The following CAMK1D variants were observed in gnomAD, a reference collection of about 807,000 sequenced individuals.
CAMK1D encodes calcium/calmodulin dependent protein kinase ID.
In CAMK1D, 9 loss-of-function variants were observed where a neutral mutation model predicts 47.7. That is an observed-to-expected ratio of 0.19 (90% CI 0.11 to 0.33). The LOEUF (loss-of-function observed/expected upper bound fraction) is 0.33, where lower values mean the gene tolerates loss of function less well. Ranked by LOEUF, CAMK1D falls within the 10% of genes least tolerant of loss-of-function variation. CAMK1D has a pLI of 1.00. For synonymous variants in CAMK1D, 184 were observed against 184.9 expected (o/e 0.99, Z 0.04); for missense variants, 291 against 488.7 (o/e 0.60, Z 3.81).
intron 2 of CAMK1D, among the ~76,000 whole-genome samples, chr10:12,651,648 C>T (rs868072965): frequency 6.6e-6 from 1 of 152,104 alleles, no homozygotes. Context: ...GTGATCCTCC[C>T]GCCTTGGCCT....
intron 1 of CAMK1D, among the ~76,000 whole-genome samples, chr10:12,532,283 C>CT (rs375755257): frequency 0.012 from 1,693 of 144,258 alleles, 31 homozygotes; most frequent in African/African-American, 0.038. Context: ...TTTTTATTTT[C>CT]TTTTTTTTTT....
chr10:12,413,561 A>G, intron 1 of CAMK1D, among the ~76,000 whole-genome samples: 1 of 152,282 alleles, frequency 6.6e-6, no homozygotes, highest in Non-Finnish European at 1.5e-5. Flanking sequence ...GATAATGATG[A>G]TGATGACATT....
chr10:12,685,971 G>A (rs1489113695), intron 3 of CAMK1D, among the ~76,000 whole-genome samples: 4 of 152,154 alleles, frequency 2.6e-5, no homozygotes, highest in Admixed American at 1.3e-4. Context: ...TGCCCCCTCT[G>A]CTATGGCCCA....
At chr10:12,386,805 A>C (rs1470623360) in intron 1 of CAMK1D, among the ~76,000 whole-genome samples, 1 of 152,200 alleles carries the variant, frequency 6.6e-6, no homozygotes. Flanking sequence ...TTTCTATAAT[A>C]ATCATGTACT....
intron 2 of CAMK1D, among the ~76,000 whole-genome samples, chr10:12,566,008 A>G (rs913592566): frequency 6.6e-6 from 1 of 152,150 alleles, no homozygotes; most frequent in African/African-American, 2.4e-5. Context: ...GAATCAGCTC[A>G]TCTGAGTTTG....
intron 1 of CAMK1D, among the ~76,000 whole-genome samples, chr10:12,515,089 C>G (rs1835152824): frequency 6.6e-6 from 1 of 151,928 alleles, no homozygotes; most frequent in African/African-American, 2.4e-5. Context: ...TCTCGAACTC[C>G]TGACCTCAGG....
chr10:12,765,778 G>A lies in CAMK1D; in HGVS notation c.439-3895G>A, dbSNP rs111522600. Among the ~76,000 whole-genome samples, 19 of 152,172 alleles carry A rather than the reference G, an allele frequency of 1.2e-4. No homozygotes were observed. In the East Asian group the frequency reaches 2.5e-3, roughly 20 times the overall value. ...AGAGAGGGGTCCCAAGCGGGTTTCC[G>A]GTCTGTGGTGAAATGCAGGGGGGTT... On this transcript the variant is annotated intron_variant, in intron 4 of 10. Coordinates refer to ENST00000619168, the MANE Select transcript of CAMK1D (RefSeq NM_153498.4).
chr10:12,587,108 G>T (rs1191726342), intron 2 of CAMK1D, among the ~76,000 whole-genome samples: 4 of 152,132 alleles, frequency 2.6e-5, no homozygotes, highest in Non-Finnish European at 5.9e-5. Flanking sequence ...TTGGTAAGTT[G>T]GATAGTTGGA....
intron 1 of CAMK1D, among the ~76,000 whole-genome samples, chr10:12,460,120 C>G (rs1183988335): frequency 6.6e-6 from 1 of 152,118 alleles, no homozygotes; most frequent in Admixed American, 6.5e-5. Context: ...CATACAGATT[C>G]TTATTTCCTA....
intron 3 of CAMK1D, among the ~76,000 whole-genome samples, chr10:12,726,759 T>A (rs1588853800): frequency 6.6e-6 from 1 of 152,240 alleles, no homozygotes; most frequent in African/African-American, 2.4e-5. Context: ...TGCTCAAACG[T>A]CTTCCAGGTT....
At chr10:12,787,529 G>C (rs1251285697) in intron 5 of CAMK1D, among the ~76,000 whole-genome samples, 5 of 152,200 alleles carry the variant, frequency 3.3e-5, no homozygotes, top group African/African-American at 4.8e-5. Context: ...CTCTGCGGTG[G>C]CTGTGGCCTT....
At chr10:12,386,563 C>T (rs181584488) in intron 1 of CAMK1D, among the ~76,000 whole-genome samples, 66 of 151,726 alleles carry the variant, frequency 4.3e-4, no homozygotes, top group Non-Finnish European at 7.5e-4. Context: ...CTTTAAGTTG[C>T]GATGCAGAAT....
intron 1 of CAMK1D, among the ~76,000 whole-genome samples, chr10:12,474,898 G>A (rs1040571416): frequency 4.6e-5 from 7 of 150,588 alleles, no homozygotes; most frequent in Non-Finnish European, 2.9e-5. Context: ...AATGGCCTCC[G>A]GCTCCATCCA....
chr10:12,564,118 T>G (rs1837042140), intron 2 of CAMK1D, among the ~76,000 whole-genome samples: 1 of 131,664 alleles, frequency 7.6e-6, no homozygotes, highest in Non-Finnish European at 1.6e-5. Context: ...TCTGTCTAGA[T>G]GTCTCTCTCT....
intron 2 of CAMK1D, among the ~76,000 whole-genome samples, chr10:12,657,986 C>T (rs1224405561): frequency 1.3e-5 from 2 of 152,088 alleles, no homozygotes; most frequent in African/African-American, 4.8e-5. Flanking sequence ...CCTGTCTCTA[C>T]TAAAAATACA....
intron 1 of CAMK1D, among the ~76,000 whole-genome samples, chr10:12,460,068 C>T (rs1017955861): frequency 1.3e-5 from 2 of 152,040 alleles, no homozygotes; most frequent in African/African-American, 4.8e-5. Flanking sequence ...TATGAAAACA[C>T]CAGAAATCGG....
intron 2 of CAMK1D, among the ~76,000 whole-genome samples, chr10:12,553,563 T>C (rs1219026309): frequency 1.3e-5 from 2 of 152,186 alleles, no homozygotes; most frequent in African/African-American, 4.8e-5. Flanking sequence ...GGAGTAGTTC[T>C]CAATTACAAA....
At chr10:12,355,971 C>A (rs1178224783) in intron 1 of CAMK1D, among the ~76,000 whole-genome samples, 1 of 152,068 alleles carries the variant, frequency 6.6e-6, no homozygotes, top group East Asian at 1.9e-4. Context: ...CGCTTGAATG[C>A]AGACCTGGAA....
At chr10:12,532,854 A>G (rs1002808944) in intron 1 of CAMK1D, among the ~76,000 whole-genome samples, 5 of 151,314 alleles carry the variant, frequency 3.3e-5, no homozygotes, top group Non-Finnish European at 7.4e-5. Flanking sequence ...AAAGACAAAC[A>G]TCGCATGTTC....
Sources: gnomAD v4.1 joint callset for allele counts (sites outside exome capture counted in the v4.1 genomes callset) on GRCh38, gnomAD v4.1.1 for gene constraint, MANE v1.5 for transcripts, NCBI Gene and HGNC (gene_info 2026-07-23, HGNC 2026-07-21) for gene names.